The following PHETA2 variants were observed in gnomAD, a reference collection of about 807,000 sequenced individuals.
PHETA2 encodes the protein sesquipedalian-2.
For synonymous variants in PHETA2, 133 were observed against 142.9 expected, an observed-to-expected ratio of 0.93 and a Z score of 0.50; for missense variants, 321 against 341.3, an observed-to-expected ratio of 0.94 and a Z score of 0.47.
chr22:42,075,182 G>T lies in PHETA2; in HGVS notation c.-96-389G>T, dbSNP rs1927236257. On this transcript the variant is annotated intron_variant, in intron 1 of 2. Coordinates refer to ENST00000321753, the MANE Select transcript of PHETA2 (RefSeq NM_001002034.3). The surrounding 1 kb of genome is among the most constrained non-coding windows in gnomAD (Gnocchi z 4.8). ...TGAAGGAAACAAACCAGAAATGGGG[G>T]GGTCTACTGGTCAGGTGACCTTAGG... Among the ~76,000 whole-genome samples, 1 of 152,168 alleles carries T rather than the reference G, an allele frequency of 6.6e-6. No individual in the cohort carries two copies. Among genetic ancestry groups the T allele is most frequent in the South Asian group, 2.1e-4 (1 of 4,830 alleles).
In PHETA2 at chr22:42,077,320, C is replaced by T. The variant is rs139563105; in HGVS notation, c.27C>T (p.Ala9=). The change falls in exon 3 of 3, where the codon GCC becomes GCT. Residue 9 remains alanine (A), a synonymous_variant. Coordinates refer to ENST00000321753, the MANE Select transcript of PHETA2 (RefSeq NM_001002034.3). ...TGAAGCTGAACGAGAGGAGTGTAGC[C>T]CACTATGCACTCAGCGACTCCCCAG... MKLNERSV[A]HYALSDSPAD... is the part of the protein sequence containing the mutation. The T allele has an allele frequency of 1.9e-6, 3 of 1,541,936 alleles. No homozygotes were observed. Among genetic ancestry groups the T allele is most frequent in the African/African-American group, 1.4e-5 (1 of 72,698 alleles).
At position 42,077,979 on chromosome 22, in the gene PHETA2, A is replaced by G; in HGVS notation, c.686A>G (p.Asp229Gly). The change falls in exon 3 of 3, where the codon GAC becomes GGC. Residue 229 changes from aspartate to glycine, a missense_variant. Asp to Gly is a moderately conservative substitution (Grantham distance 94). Coordinates refer to ENST00000321753, the MANE Select transcript of PHETA2 (RefSeq NM_001002034.3). ...PETSCFSTLHDWYGQEIVELR... is the reference protein window; with the variant it reads ...PETSCFSTLHGWYGQEIVELR... ...ACCTCCTGCTTCTCTACCCTGCATG[A>G]CTGGTATGGCCAGGAGATCGTGGAG... is the stretch of plus-strand genomic sequence containing the variant. 6.2e-7 allele frequency: 1 copy of G among 1,611,886 alleles called. No individual in the cohort carries two copies. The highest frequency in any genetic ancestry group is 8.5e-7 in the Non-Finnish European group (1 of 1,179,210).
rs1484008045 is a variant in PHETA2, at chr22:42,078,385, TG to T, written c.*313del. The T allele has an allele frequency of 5.5e-6, 2 of 364,070 alleles. No individual in the cohort carries two copies. Among genetic ancestry groups the T allele is most frequent in the Non-Finnish European group, 5.2e-6 (1 of 193,472 alleles). 22.6% of individuals were successfully genotyped at this position (364,070 alleles called of 1,614,324 possible). On this transcript the variant is annotated 3_prime_UTR_variant, in exon 3 of 3. Coordinates refer to ENST00000321753, the MANE Select transcript of PHETA2 (RefSeq NM_001002034.3). ...TTAATGAAATGAAGGAAGTGGGGAATGTCACCCGAGACTGTCACAGGCTTGC... is the reference window on the plus strand; with the variant it reads ...TTAATGAAATGAAGGAAGTGGGGAATTCACCCGAGACTGTCACAGGCTTGC...
At position 42,074,303 on chromosome 22, in the gene PHETA2, G is replaced by A. The variant is rs1352455205; in HGVS notation, c.-135G>A. 2 of 152,308 alleles carry A rather than the reference G, an allele frequency of 1.3e-5. No homozygotes were observed. The highest frequency in any genetic ancestry group is 4.8e-5 in the African/African-American group (2 of 41,472). 9.4% of individuals were successfully genotyped at this position (152,308 alleles called of 1,614,324 possible). Reference sequence around the variant, plus strand: ...GCGGAGGCGCGGGATCTCGAGCTGGGATCGCCCTCTTGGGCTTCGGTGCGA... The same window carrying A: ...GCGGAGGCGCGGGATCTCGAGCTGGAATCGCCCTCTTGGGCTTCGGTGCGA... On this transcript the variant is annotated 5_prime_UTR_variant, in exon 1 of 3. Coordinates refer to ENST00000321753, the MANE Select transcript of PHETA2 (RefSeq NM_001002034.3).
In PHETA2 at chr22:42,078,493, G is replaced by C. The variant is rs529752732; in HGVS notation, c.*420G>C. On this transcript the variant is annotated 3_prime_UTR_variant, in exon 3 of 3. Coordinates refer to ENST00000321753, the MANE Select transcript of PHETA2 (RefSeq NM_001002034.3). ...TCCTGTGCACTTAAATCCGAGGTAG[G>C]CTGCAGTATCGGCTTGAAGCTCTGA... 20 of 186,152 alleles carry C rather than the reference G, an allele frequency of 1.1e-4. No homozygotes were observed. In the East Asian group the frequency reaches 2.6e-3, roughly 24 times the overall value. The allele number at this position is 186,152 out of a possible 1,614,324, so 11.5% of individuals were successfully genotyped here. A position where few individuals can be genotyped will look rare whatever the true frequency, so the allele number is the denominator to read the frequency against.
In PHETA2 at chr22:42,077,760, G is replaced by C; in HGVS notation, c.467G>C (p.Arg156Pro). ...TCATCCTGGAAGTCTGTTGCCAGCC[G>C]CTGTAAGCCCCAGGCTCCTAACCAC... ...RRSSWKSVAS[R>P]CKPQAPNHRA... Residue 156 changes from arginine to proline, a missense_variant, in exon 3 of 3, where the codon CGC (arginine) becomes CCC (proline). Arg to Pro is a moderately radical substitution (Grantham distance 103). Transcript: ENST00000321753. The C allele has an allele frequency of 1.2e-6, 2 of 1,613,052 alleles. No individual in the cohort carries two copies. The highest frequency in any genetic ancestry group is 1.7e-6 in the Non-Finnish European group (2 of 1,180,034).
chr22:42,078,794 T>C lies in PHETA2; in HGVS notation c.*721T>C, dbSNP rs894560062. On this transcript the variant is annotated 3_prime_UTR_variant, in exon 3 of 3. Coordinates refer to ENST00000321753, the MANE Select transcript of PHETA2 (RefSeq NM_001002034.3). Reference sequence around the variant, plus strand: ...ACGTCAACGAAATGCCCTCCTGTACTCTGTCTTCAGCAGCCAACTCCTGGA... The same window carrying C: ...ACGTCAACGAAATGCCCTCCTGTACCCTGTCTTCAGCAGCCAACTCCTGGA... 8.4e-5 allele frequency: 14 copies of C among 167,280 alleles called. No homozygotes were observed. Among genetic ancestry groups the C allele is most frequent in the Non-Finnish European group, 1.9e-4 (13 of 68,272 alleles). 10.4% of individuals were successfully genotyped at this position (167,280 alleles called of 1,614,324 possible). A position where few individuals can be genotyped will look rare whatever the true frequency, so the allele number is the denominator to read the frequency against.
rs553053047 is a variant in PHETA2 at position 42,075,834 on chromosome 22, C to T, written c.-15+182C>T. Among the ~76,000 whole-genome samples the T allele has an allele frequency of 6.6e-6, 1 of 152,306 alleles. No homozygotes were observed. The highest frequency in any genetic ancestry group is 1.9e-4 in the East Asian group (1 of 5,192). The stretch of plus-strand genomic sequence containing the variant: ...TTCAATGGCTGTGGTTAGCTCTTCT[C>T]AGCTGTACCCTGGGTTTGTGCCACA... On this transcript the variant is annotated intron_variant, in intron 2 of 2. Transcript: ENST00000321753. This position sits in a 1 kb window ranked among gnomAD's most constrained non-coding sequence, Gnocchi z 4.8.
In PHETA2 at chr22:42,077,504, G is replaced by A. The variant is rs1927333765; in HGVS notation, c.211G>A (p.Gly71Ser). 1 of 1,614,182 alleles carries A rather than the reference G, an allele frequency of 6.2e-7. No homozygotes were observed. The highest frequency in any genetic ancestry group is 2.2e-5 in the East Asian group (1 of 44,882). ...CCCACTGAGCCTGGTGGTGCTGGAAGGCTGCACAGTGGAACTGGCCGAGGC... is the reference window on the plus strand; with the variant it reads ...CCCACTGAGCCTGGTGGTGCTGGAAAGCTGCACAGTGGAACTGGCCGAGGC... ...RAPLSLVVLE[G>S]CTVELAEAPV... Residue 71 changes from glycine (G) to serine (S), a missense_variant, in exon 3 of 3, where the codon GGC (glycine) becomes AGC (serine). Transcript: ENST00000321753.
At chr22:42,077,245 C>G (rs1602504570) in intron 2 of PHETA2, 35 bp from the exon 3 acceptor site, 15 of 1,506,366 alleles carry the variant, frequency 1.0e-5, no homozygotes, top group Non-Finnish European at 1.3e-5. Flanking sequence ...AACCACCTCC[C>G]TCTCTGATCT....
intron 2 of PHETA2, among the ~76,000 whole-genome samples, chr22:42,076,531 A>T (rs1927288825): frequency 6.6e-6 from 1 of 152,064 alleles, no homozygotes; most frequent in African/African-American, 2.4e-5. Context: ...AGCTCAGGTG[A>T]TCCACCCACC....
At position 42,075,307 on chromosome 22, in the gene PHETA2, G is replaced by A. The variant is rs1378723137; in HGVS notation, c.-96-264G>A. Among the ~76,000 whole-genome samples the A allele has an allele frequency of 6.6e-6, 1 of 152,178 alleles. No homozygotes were observed. The highest frequency in any genetic ancestry group is 1.5e-5 in the Non-Finnish European group (1 of 68,024). The stretch of plus-strand genomic sequence containing the variant: ...CAGTTAAAGCCAGGAAGTGCTAGAA[G>A]GGAAAAGCTAGGAACCATGAGGGCA... On this transcript the variant is annotated intron_variant, in intron 1 of 2. Coordinates refer to ENST00000321753, the MANE Select transcript of PHETA2 (RefSeq NM_001002034.3). The surrounding 1 kb of genome is among the most constrained non-coding windows in gnomAD (Gnocchi z 4.8).
At chr22:42,076,804 G>C (rs940345413) in intron 2 of PHETA2, among the ~76,000 whole-genome samples, 6 of 152,192 alleles carry the variant, frequency 3.9e-5, no homozygotes, top group Non-Finnish European at 8.8e-5. Flanking sequence ...AGGTCAATAA[G>C]ATTCAACAGC....
chr22:42,077,214 C>CT, intron 2 of PHETA2, 66 bp from the exon 3 acceptor site: 1 of 1,459,104 alleles, frequency 6.9e-7, no homozygotes, highest in Non-Finnish European at 9.1e-7. Context: ...GGAGCCGGTG[C>CT]TGTTCCCCAG....
intron 2 of PHETA2, 130 bp from the exon 3 acceptor site, chr22:42,077,150 T>A: frequency 1.3e-6 from 1 of 761,100 alleles, no homozygotes; most frequent in Non-Finnish European, 2.0e-6. Context: ...TTTAGGGACC[T>A]TAGGGACACA....
rs1177418269 is a variant in PHETA2 at position 42,077,590 on chromosome 22, C to T, written c.297C>T (p.His99=). The T allele has an allele frequency of 6.2e-7, 1 of 1,614,166 alleles. No individual in the cohort carries two copies. Among genetic ancestry groups the T allele is most frequent in the South Asian group, 1.1e-5 (1 of 91,090 alleles). ...TTGATGCCCCTGGAGTGCGCCCACACCTGCTGGCCGCAGAAGGGCCGGCGG... is the reference window on the plus strand; with the variant it reads ...TTGATGCCCCTGGAGTGCGCCCACATCTGCTGGCCGCAGAAGGGCCGGCGG... ...ICFDAPGVRP[H]LLAAEGPAAQ... Residue 99 remains histidine (H), a synonymous_variant, in exon 3 of 3, where the codon CAC becomes CAT. Coordinates refer to ENST00000321753, the MANE Select transcript of PHETA2 (RefSeq NM_001002034.3).
In PHETA2 at chr22:42,077,333, A is replaced by G; in HGVS notation, c.40A>G (p.Ser14Gly). 1 of 1,556,640 alleles carries G rather than the reference A, an allele frequency of 6.4e-7. No homozygotes were observed. The highest frequency in any genetic ancestry group is 1.4e-5 in the African/African-American group (1 of 73,272). The change falls in exon 3 of 3, where the codon AGC becomes GGC. Residue 14 changes from serine to glycine, a missense_variant. Transcript: ENST00000321753. ...GAGGAGTGTAGCCCACTATGCACTC[A>G]GCGACTCCCCAGCGGACCACATGGG... ...NERSVAHYAL[S>G]DSPADHMGFL...
In PHETA2 at chr22:42,079,273, A is replaced by C; in HGVS notation, c.*1200A>C. ...GGTAGGCTCTGAGCCTCTTACCCCT[A>C]AGAGGCGGAGATGCGCCCAAGGCGG... On this transcript the variant is annotated 3_prime_UTR_variant, in exon 3 of 3. Coordinates refer to ENST00000321753, the MANE Select transcript of PHETA2 (RefSeq NM_001002034.3). 1 of 168,690 alleles carries C rather than the reference A, an allele frequency of 5.9e-6. No homozygotes were observed. The highest frequency in any genetic ancestry group is 1.9e-4 in the East Asian group (1 of 5,232). The allele number at this position is 168,690 out of a possible 1,614,324, so 10.4% of individuals were successfully genotyped here.
chr22:42,079,426 T>G lies in PHETA2; in HGVS notation c.*1353T>G. On this transcript the variant is annotated 3_prime_UTR_variant, in exon 3 of 3. Transcript: ENST00000321753. ...TACACGGTTAAAACACTAGTAAAGC[T>G]TTTTCGTTATTACTCCTTCCGCTCC... The G allele has an allele frequency of 6.2e-6, 2 of 324,342 alleles. No homozygotes were observed. The highest frequency in any genetic ancestry group is 1.0e-4 in the Admixed American group (2 of 19,476). 20.1% of individuals were successfully genotyped at this position (324,342 alleles called of 1,614,324 possible).
Sources: gnomAD v4.1 joint callset for allele counts (sites outside exome capture counted in the v4.1 genomes callset) on GRCh38, gnomAD v4.1.1 for gene constraint, Gnocchi (gnomAD v3.1) non-coding constraint, MANE v1.5 for transcripts, NCBI Gene and HGNC (gene_info 2026-07-23, HGNC 2026-07-21) for gene names.